PATE4: variants seen among roughly 807,000 people sequenced by gnomAD.
The protein encoded by PATE4 is prostate and testis expressed protein 4.
Under a neutral mutation model 8.5 loss-of-function variants are expected in PATE4, and 13 were observed. That is an observed-to-expected ratio of 1.53 (90% CI 1.00 to 2.43). PATE4 has a LOEUF of 2.43. Among genes scored for constraint, PATE4 ranks in the 30% most tolerant of loss-of-function variants. The pLI, the probability that PATE4 is intolerant of heterozygous loss-of-function variation, is 0.00. For missense variants in PATE4, 127 were observed against 115.5 expected (o/e 1.10, Z -0.46); for synonymous variants, 47 against 39.3 (o/e 1.20, Z -0.73).
chr11:125,839,790 A>T lies in PATE4; in HGVS notation c.*1363A>T, dbSNP rs1943947812. 6.6e-6 allele frequency: 1 copy of T among 152,158 alleles called. No homozygotes were observed. Among genetic ancestry groups the T allele is most frequent in the Non-Finnish European group, 1.5e-5 (1 of 68,022 alleles). 9.4% of individuals were successfully genotyped at this position (152,158 alleles called of 1,614,324 possible). A position where few individuals can be genotyped will look rare whatever the true frequency, so the allele number is the denominator to read the frequency against. ...AGCACAGGAAAAACCTGCCCCCATGATTCAATTACCTCCCACCGGTCCCTC... is the reference window on the plus strand; with the variant it reads ...AGCACAGGAAAAACCTGCCCCCATGTTTCAATTACCTCCCACCGGTCCCTC... On this transcript the variant is annotated 3_prime_UTR_variant, in exon 3 of 3. Transcript: ENST00000457514.
intron 1 of PATE4, among the ~76,000 whole-genome samples, chr11:125,833,742 T>C (rs1176593043): frequency 6.6e-6 from 1 of 152,184 alleles, no homozygotes; most frequent in East Asian, 1.9e-4. Context: ...TCTGGCTACT[T>C]CTCAGTGTAT....
chr11:125,836,335 C>T (rs528661794), intron 1 of PATE4, among the ~76,000 whole-genome samples: 15 of 152,202 alleles, frequency 9.9e-5, no homozygotes, highest in Non-Finnish European at 1.8e-4. Flanking sequence ...TAAAATTTTT[C>T]GATAAATTCC....
In PATE4 at chr11:125,838,517, C is replaced by T; in HGVS notation, c.*90C>T. On this transcript the variant is annotated 3_prime_UTR_variant, in exon 3 of 3. Coordinates refer to ENST00000457514, the MANE Select transcript of PATE4 (RefSeq NM_001144874.1). ...ACTGTTTTATTTCCCACACCAAATT[C>T]CACACTGGCCTAAGATCCCAGAGAG... 1 of 1,416,888 alleles carries T rather than the reference C, an allele frequency of 7.1e-7. No individual in the cohort carries two copies. Among genetic ancestry groups the T allele is most frequent in the East Asian group, 2.6e-5 (1 of 39,206 alleles). The allele number at this position is 1,416,888 out of a possible 1,614,324, so 87.8% of individuals were successfully genotyped here.
At chr11:125,837,822 T>A in intron 1 of PATE4, 46 bp from the exon 2 acceptor site, 1 of 1,413,138 alleles carries the variant, frequency 7.1e-7, no homozygotes, top group Non-Finnish European at 9.7e-7. Context: ...CACTTTTCCA[T>A]TGTCCCACAA....
intron 1 of PATE4, among the ~76,000 whole-genome samples, chr11:125,836,573 C>T (rs539073435): frequency 1.1e-4 from 16 of 152,310 alleles, no homozygotes; most frequent in South Asian, 8.3e-4. Context: ...ACTTACCTGG[C>T]TGACTCTTAT....
At chr11:125,836,191 T>C (rs1418767720) in intron 1 of PATE4, among the ~76,000 whole-genome samples, 1 of 150,810 alleles carries the variant, frequency 6.6e-6, no homozygotes, top group East Asian at 1.9e-4. Context: ...CCTGCAGGAC[T>C]AGGAGAACTA....
At chr11:125,833,478 A>T (rs1943901181) in intron 1 of PATE4, 61 bp downstream of exon 1, 13 of 1,440,158 alleles carry the variant, frequency 9.0e-6, no homozygotes. Flanking sequence ...CTAAACCTCT[A>T]CTCTCCAAGT....
At chr11:125,835,823 A>G (rs977768131) in intron 1 of PATE4, 9 of 152,206 alleles carry the variant, frequency 5.9e-5, no homozygotes, top group Non-Finnish European at 1.2e-4. Flanking sequence ...ACCAACTGAA[A>G]TGGGTCAGAA....
At position 125,837,853 on chromosome 11, in the gene PATE4, C is replaced by A; in HGVS notation, c.59-15C>A. 8 of 1,529,884 alleles carry A rather than the reference C, an allele frequency of 5.2e-6. No homozygotes were observed. The highest frequency in any genetic ancestry group is 7.1e-6 in the Non-Finnish European group (8 of 1,127,860). The allele number at this position is 1,529,884 out of a possible 1,614,324, so 94.8% of individuals were successfully genotyped here. A position where few individuals can be genotyped will look rare whatever the true frequency, so the allele number is the denominator to read the frequency against. On this transcript the variant is annotated splice_polypyrimidine_tract_variant and intron_variant, in intron 1 of 2. Transcript: ENST00000457514. ...CACAATCCAGCCTGAATATTCTATT[C>A]TCTCCACCCTGCAGTTATGGGTCTG...
chr11:125,835,779 T>A (rs1326243286), intron 1 of PATE4: 1 of 152,198 alleles, frequency 6.6e-6, no homozygotes, highest in East Asian at 1.9e-4. Context: ...TCCGATGACA[T>A]CTTTCCTGTC....
At chr11:125,836,305 G>C (rs189314116) in intron 1 of PATE4, among the ~76,000 whole-genome samples, 9 of 151,976 alleles carry the variant, frequency 5.9e-5, no homozygotes, top group African/African-American at 2.2e-4. Context: ...ATGTAAATAG[G>C]ATCAGATCAC....
intron 1 of PATE4, among the ~76,000 whole-genome samples, chr11:125,836,790 T>TA (rs555229180): frequency 1.7e-4 from 26 of 152,098 alleles, no homozygotes; most frequent in Non-Finnish European, 3.5e-4. Context: ...TCCCAGCACC[T>TA]AAAAAAATGT....
chr11:125,838,588 C>A lies in PATE4; in HGVS notation c.*161C>A. 1 of 649,062 alleles carries A rather than the reference C, an allele frequency of 1.5e-6. No homozygotes were observed. The highest frequency in any genetic ancestry group is 1.8e-5 in the African/African-American group (1 of 54,096). 40.2% of individuals were successfully genotyped at this position (649,062 alleles called of 1,614,324 possible). A position where few individuals can be genotyped will look rare whatever the true frequency, so the allele number is the denominator to read the frequency against. On this transcript the variant is annotated 3_prime_UTR_variant, in exon 3 of 3. Transcript: ENST00000457514. The stretch of plus-strand genomic sequence containing the variant: ...TTGCAATGAAGGGGCTCCCCACACC[C>A]CACCTCCACCACTAGATTCCTAAAA...
chr11:125,834,130 T>C (rs1055669455), intron 1 of PATE4, among the ~76,000 whole-genome samples: 7 of 152,194 alleles, frequency 4.6e-5, no homozygotes, highest in South Asian at 4.1e-4. Context: ...AAAAGAATTA[T>C]AAGAAAATGT....
Position 125,839,720 on chromosome 11 carries a change from T to C in PATE4, c.*1293T>C, listed in dbSNP as rs959757359. 10 of 152,218 alleles carry C rather than the reference T, an allele frequency of 6.6e-5. No homozygotes were observed. Among genetic ancestry groups the C allele is most frequent in the Admixed American group, 3.9e-4 (6 of 15,280 alleles). The allele number at this position is 152,218 out of a possible 1,614,324, so 9.4% of individuals were successfully genotyped here. On this transcript the variant is annotated 3_prime_UTR_variant, in exon 3 of 3. Coordinates refer to ENST00000457514, the MANE Select transcript of PATE4 (RefSeq NM_001144874.1). ...GATTGTGCAGGAAAACTCTCCCTTA[T>C]AATAACCATCAGATCTTGTGAGACT...
intron 1 of PATE4, among the ~76,000 whole-genome samples, chr11:125,837,000 G>T (rs2134201076): frequency 6.6e-6 from 1 of 152,296 alleles, no homozygotes; most frequent in East Asian, 1.9e-4. Flanking sequence ...AGTCTTGATG[G>T]AATAGTGAGA....
intron 1 of PATE4, 42 bp from the exon 2 acceptor site, chr11:125,837,826 C>A (rs560737954): frequency 4.2e-6 from 6 of 1,436,984 alleles, no homozygotes; most frequent in Non-Finnish European, 5.7e-6. Context: ...TTTCCATTGT[C>A]CCACAATCCA....
In PATE4 at chr11:125,837,541, A is replaced by G. The variant is rs372801367; in HGVS notation, c.59-327A>G. Among the ~76,000 whole-genome samples, 39 of 152,262 alleles carry G rather than the reference A, an allele frequency of 2.6e-4. No individual in the cohort carries two copies. The East Asian group carries it at 3.7e-3, about 14-fold the overall frequency. On this transcript the variant is annotated intron_variant, in intron 1 of 2. Coordinates refer to ENST00000457514, the MANE Select transcript of PATE4 (RefSeq NM_001144874.1). Reference sequence around the variant, plus strand: ...TCCCCTGCTTTTCCAGCCCACAGTAATCTGCCTGTTGCTATACTCTTAATT... The same window carrying G: ...TCCCCTGCTTTTCCAGCCCACAGTAGTCTGCCTGTTGCTATACTCTTAATT...
intron 1 of PATE4, among the ~76,000 whole-genome samples, chr11:125,837,295 T>C (rs1372148249): frequency 6.6e-6 from 1 of 152,170 alleles, no homozygotes; most frequent in Non-Finnish European, 1.5e-5. Flanking sequence ...TGGTTGCAGT[T>C]ATTCCCTGAA....
Sources: allele counts gnomAD v4.1 joint callset (sites outside exome capture counted in the v4.1 genomes callset), GRCh38; gene constraint gnomAD v4.1.1; transcripts MANE v1.5; gene names NCBI Gene and HGNC (gene_info 2026-07-23, HGNC 2026-07-21).